The following MORC1 variants were observed in gnomAD, a reference collection of about 807,000 sequenced individuals.
The protein encoded by MORC1 is MORC family CW-type zinc finger protein 1.
In MORC1, 59 loss-of-function variants were observed where a neutral mutation model predicts 134.9. The observed-to-expected ratio is 0.44, with a 90% confidence interval of 0.35 to 0.54. The LOEUF (loss-of-function observed/expected upper bound fraction) is 0.54. MORC1 is among the 20% of genes least tolerant of loss of function. The probability of loss-of-function intolerance (pLI) is 0.00; values close to 1 mark genes in which losing one functional copy is unlikely to be tolerated. For synonymous variants in MORC1, 395 were observed against 391.7 expected (o/e 1.01, Z -0.10); for missense variants, 947 against 1,134.5 (o/e 0.83, Z 2.37).
intron 21 of MORC1, among the ~76,000 whole-genome samples, chr3:108,993,062 CA>C (rs1948110784): frequency 6.6e-6 from 1 of 152,106 alleles, no homozygotes; most frequent in Non-Finnish European, 1.5e-5. Flanking sequence ...CAAAATTTGA[CA>C]CAACTGACAA....
At chr3:109,092,221 C>G (rs1950743065) in intron 8 of MORC1, among the ~76,000 whole-genome samples, 1 of 151,890 alleles carries the variant, frequency 6.6e-6, no homozygotes, top group Non-Finnish European at 1.5e-5. Context: ...AGCCATTAGG[C>G]TGAATATTTT....
At chr3:109,091,110 T>C (rs1950713994) in intron 8 of MORC1, among the ~76,000 whole-genome samples, 1 of 152,062 alleles carries the variant, frequency 6.6e-6, no homozygotes, top group Non-Finnish European at 1.5e-5. Flanking sequence ...TCCATAACCT[T>C]GTGTGGTAAA....
At chr3:109,097,383 C>G (rs920253823) in intron 6 of MORC1, among the ~76,000 whole-genome samples, 3 of 152,160 alleles carry the variant, frequency 2.0e-5, no homozygotes. Flanking sequence ...CCTTTTAATG[C>G]ATGTGAGGTC....
At chr3:109,090,040 A>C (rs1236879982) in intron 8 of MORC1, among the ~76,000 whole-genome samples, 2 of 152,168 alleles carry the variant, frequency 1.3e-5, no homozygotes, top group African/African-American at 4.8e-5. Context: ...TCAATTTAAT[A>C]TTTCACACAT....
chr3:108,984,764 T>C lies in MORC1; in HGVS notation c.2276A>G (p.Asn759Ser). Reference protein sequence around the residue: ...LLNQEKQELCNDVLAMKRSSS... With the variant: ...LLNQEKQELCSDVLAMKRSSS... Reference sequence around the variant, plus strand: ...GCTTCTTTTCATTGCTAGAACATCATTGCACAGCTCCTGTTTTTCTTCAAA... The same window carrying C: ...GCTTCTTTTCATTGCTAGAACATCACTGCACAGCTCCTGTTTTTCTTCAAA... Residue 759 changes from asparagine (N) to serine (S), a missense_variant, in exon 23 of 28, where the codon AAT (asparagine) becomes AGT (serine). Physicochemically the swap from Asn to Ser is conservative, Grantham distance 46 (BLOSUM62 1). This residue lies in a region of MORC1 where 722 missense variants were observed against 817.0 expected (regional missense o/e 0.88). Transcript: ENST00000232603. 1.2e-6 allele frequency: 2 copies of C among 1,609,354 alleles called. No individual in the cohort carries two copies. The highest frequency in any genetic ancestry group is 1.7e-6 in the Non-Finnish European group (2 of 1,178,622).
At chr3:109,064,505 T>TTGA (rs1950154975) in intron 9 of MORC1, among the ~76,000 whole-genome samples, 1 of 152,112 alleles carries the variant, frequency 6.6e-6, no homozygotes, top group Non-Finnish European at 1.5e-5. Context: ...AAACTTTCAT[T>TTGA]GACTTTAATT....
At chr3:109,113,822 A>C (rs1179448970) in intron 2 of MORC1, among the ~76,000 whole-genome samples, 3 of 152,232 alleles carry the variant, frequency 2.0e-5, no homozygotes, top group African/African-American at 7.2e-5. Flanking sequence ...CCCAAATTTG[A>C]ATGCCAGCTC....
At chr3:109,047,521 A>G (rs1401806096) in intron 14 of MORC1, among the ~76,000 whole-genome samples, 3 of 152,142 alleles carry the variant, frequency 2.0e-5, no homozygotes, top group Admixed American at 6.5e-5. Flanking sequence ...GCTGAAAGCA[A>G]TGTAAATGAA....
chr3:108,981,374 T>C (rs1947714824), intron 23 of MORC1, among the ~76,000 whole-genome samples: 1 of 152,200 alleles, frequency 6.6e-6, no homozygotes, highest in Non-Finnish European at 1.5e-5. Context: ...ACTGTCTAAC[T>C]TTGCTGATTT....
chr3:109,089,057 C>T (rs760098009), intron 8 of MORC1, among the ~76,000 whole-genome samples: 25 of 151,912 alleles, frequency 1.6e-4, no homozygotes, highest in Non-Finnish European at 2.9e-4. Context: ...ACACTGGGGT[C>T]TTGAGCATGG....
chr3:109,041,620 G>A (rs529901416), intron 14 of MORC1, among the ~76,000 whole-genome samples: 17 of 152,166 alleles, frequency 1.1e-4, no homozygotes, highest in East Asian at 9.7e-4. Flanking sequence ...AGGCCAAGGC[G>A]GGCAGCTCAT....
intron 2 of MORC1, among the ~76,000 whole-genome samples, chr3:109,111,961 T>C (rs926405658): frequency 1.3e-5 from 2 of 152,160 alleles, no homozygotes; most frequent in Non-Finnish European, 2.9e-5. Flanking sequence ...AAGTAAGCAC[T>C]GAATGGTGTA....
chr3:109,071,203 A>G (rs912664124), intron 8 of MORC1, among the ~76,000 whole-genome samples: 2 of 152,102 alleles, frequency 1.3e-5, no homozygotes, highest in Non-Finnish European at 2.9e-5. Context: ...CTTTCTTCTG[A>G]CTCTCTTCAA....
In MORC1 at chr3:109,040,403, A is replaced by AAAGAAAGGAAGGAAGGAAG. The variant is rs1553753628; in HGVS notation, c.1331-4936_1331-4935insCTTCCTTCCTTCCTTTCTT. 1.5e-4 allele frequency among the ~76,000 whole-genome samples: 2 copies of AAAGAAAGGAAGGAAGGAAG among 13,558 alleles called. 1 individual carries two copies. The highest frequency in any genetic ancestry group is 2.4e-3 in the Admixed American group (2 of 840). The allele number at this position is 13,558 out of a possible 152,430, so 8.9% of individuals were successfully genotyped here. A position where few individuals can be genotyped will look rare whatever the true frequency, so the allele number is the denominator to read the frequency against. On this transcript the variant is annotated intron_variant, in intron 14 of 27. Transcript: ENST00000232603. ...GAAAGAAAGAAAGAAAGAAAGAAAG[A>AAAGAAAGGAAGGAAGGAAG]GAAGGAAGGAAGGAAGGAAGGAAGG...
chr3:109,093,206 G>A (rs888092591), intron 8 of MORC1, among the ~76,000 whole-genome samples: 3 of 152,118 alleles, frequency 2.0e-5, no homozygotes, highest in African/African-American at 7.2e-5. Flanking sequence ...TTCTGACTCA[G>A]CAGGTCAAGA....
At chr3:109,010,726 T>C (rs1162889002) in intron 17 of MORC1, among the ~76,000 whole-genome samples, 1 of 152,238 alleles carries the variant, frequency 6.6e-6, no homozygotes, top group Non-Finnish European at 1.5e-5. Context: ...CAATTAGCTG[T>C]ATCTTCTGGA....
Position 109,005,236 on chromosome 3 carries a change from G to A in MORC1, c.1847C>T (p.Ala616Val), listed in dbSNP as rs944017712. ...HESLSSFELSASRRGQKRNIE... is the reference protein window; with the variant it reads ...HESLSSFELSVSRRGQKRNIE... ...GTTTCTTTTCTGTCCTCTACGGCTC[G>A]CTGAAAGCTCAAAGGATGAAAGAGA... The change falls in exon 19 of 28, where the codon GCG (alanine) becomes GTG (valine). Residue 616 changes from alanine to valine, a missense_variant. Physicochemically the swap from Ala to Val is moderately conservative, Grantham distance 64. Around this residue, in one of 3 missense-constraint regions of MORC1, gnomAD observed 722 missense variants for 817.0 expected, o/e 0.88. Coordinates refer to ENST00000232603, the MANE Select transcript of MORC1 (RefSeq NM_014429.4). 16 of 1,613,388 alleles carry A rather than the reference G, an allele frequency of 9.9e-6. No homozygotes were observed. Among genetic ancestry groups the A allele is most frequent in the African/African-American group, 4.0e-5 (3 of 74,818 alleles).
chr3:108,984,867 A>G, intron 22 of MORC1, 85 bp from the exon 23 acceptor site: 2 of 946,576 alleles, frequency 2.1e-6, no homozygotes, highest in Non-Finnish European at 3.2e-6. Flanking sequence ...TTCATTAACT[A>G]CCTCTGTATA....
At chr3:109,041,290 G>A (rs940564328) in intron 14 of MORC1, among the ~76,000 whole-genome samples, 8 of 151,104 alleles carry the variant, frequency 5.3e-5, no homozygotes, top group East Asian at 2.0e-4. Context: ...CAGCCTGGGC[G>A]ACAGACAAAG....
Sources: allele counts gnomAD v4.1 joint callset (sites outside exome capture counted in the v4.1 genomes callset), GRCh38; gene constraint gnomAD v4.1.1; regional missense constraint gnomAD v4.1.1; transcripts MANE v1.5; gene names NCBI Gene and HGNC (gene_info 2026-07-23, HGNC 2026-07-21).